SFMBT2: variants seen among roughly 807,000 people sequenced by gnomAD.
The protein encoded by SFMBT2 is Scm like with four mbt domains 2.
SFMBT2 carries 38 observed loss-of-function variants against 110.1 expected under a neutral mutation model. The ratio of observed to expected loss-of-function variants is 0.35; its 90% CI spans 0.27 to 0.45. SFMBT2 has a LOEUF of 0.45. Among genes scored for constraint, SFMBT2 ranks in the 20% least tolerant of loss-of-function variants. The probability of loss-of-function intolerance (pLI) is 1.00; values close to 1 mark genes in which losing one functional copy is unlikely to be tolerated. For missense variants in SFMBT2, 1,011 were observed against 1,094.9 expected, an observed-to-expected ratio of 0.92 and a Z score of 1.08; for synonymous variants, 425 against 425.4, an observed-to-expected ratio of 1.00 and a Z score of 0.01.
At position 7,167,074 on chromosome 10, in the gene SFMBT2, G is replaced by A. The variant is rs150218698; in HGVS notation, c.2545-3164C>T. On this transcript the variant is annotated intron_variant, in intron 20 of 20. Coordinates refer to ENST00000397167, the MANE Select transcript of SFMBT2 (RefSeq NM_001387889.1). ...GCTTAGCACAGGGCAAAATTAAATC[G>A]ATTTTGATAGAGCACTCGGGTGAGG... 1.6e-3 allele frequency among the ~76,000 whole-genome samples: 251 copies of A among 152,268 alleles called. 1 individual carries two copies. Among genetic ancestry groups the A allele is most frequent in the Non-Finnish European group, 1.0e-3 (68 of 68,036 alleles).
chr10:7,288,709 T>G (rs1188648633), intron 4 of SFMBT2, among the ~76,000 whole-genome samples: 1 of 152,174 alleles, frequency 6.6e-6, no homozygotes, highest in Non-Finnish European at 1.5e-5. Context: ...TCTTCGTCAT[T>G]AACTCTTGAC....
intron 4 of SFMBT2, chr10:7,295,238 A>C (rs1842372418): frequency 6.6e-6 from 1 of 152,230 alleles, no homozygotes; most frequent in Non-Finnish European, 1.5e-5. Context: ...ACAAAGCTGC[A>C]ACCCCCAGAA....
At chr10:7,249,281 C>A (rs576159501) in intron 7 of SFMBT2, 6 of 173,954 alleles carry the variant, frequency 3.4e-5, no homozygotes, top group Non-Finnish European at 5.7e-5. Context: ...AGGGGTCTGG[C>A]AGTTTTATAA....
intron 8 of SFMBT2, among the ~76,000 whole-genome samples, chr10:7,244,486 G>T (rs542791967): frequency 2.6e-5 from 4 of 152,270 alleles, no homozygotes; most frequent in African/African-American, 7.2e-5. Flanking sequence ...ATTTCCAAAT[G>T]CATAGAAAGT....
At chr10:7,290,405 G>C (rs748286258) in intron 4 of SFMBT2, among the ~76,000 whole-genome samples, 1 of 152,060 alleles carries the variant, frequency 6.6e-6, no homozygotes, top group African/African-American at 2.4e-5. Context: ...CTTTGGAGAA[G>C]TGCCCACATC....
At position 7,170,912 on chromosome 10, in the gene SFMBT2, G is replaced by A. The variant is rs369892171; in HGVS notation, c.2544+16C>T. 56 of 1,613,928 alleles carry A rather than the reference G, an allele frequency of 3.5e-5. No individual in the cohort carries two copies. The highest frequency in any genetic ancestry group is 6.7e-5 in the East Asian group (3 of 44,874). Reference sequence around the variant, plus strand: ...TCTCAGCACATCAAACAATCGACACGCGGCAACCACCGTACCTGCTCCTGA... The same window carrying A: ...TCTCAGCACATCAAACAATCGACACACGGCAACCACCGTACCTGCTCCTGA... On this transcript the variant is annotated intron_variant, in intron 20 of 20. Transcript: ENST00000397167. This position sits in a 1 kb window ranked among gnomAD's most constrained non-coding sequence, Gnocchi z 4.6.
intron 4 of SFMBT2, among the ~76,000 whole-genome samples, chr10:7,340,488 C>T (rs1483622089): frequency 6.6e-6 from 1 of 151,922 alleles, no homozygotes; most frequent in Non-Finnish European, 1.5e-5. Flanking sequence ...TAAGTCAGTC[C>T]TGCATGCACT....
In SFMBT2 at chr10:7,363,944, G is replaced by A. The variant is rs114905894; in HGVS notation, c.436+3705C>T. 6.3e-3 allele frequency among the ~76,000 whole-genome samples: 962 copies of A among 152,152 alleles called. 6 individuals carry two copies. Among genetic ancestry groups the A allele is most frequent in the African/African-American group, 0.022 (923 of 41,514 alleles). ...CTGTAACTCCTGTTCATATTCTGCG[G>A]TGCCTTTCAAGTTTAACCACAGCAA... On this transcript the variant is annotated intron_variant, in intron 4 of 20. Coordinates refer to ENST00000397167, the MANE Select transcript of SFMBT2 (RefSeq NM_001387889.1).
chr10:7,211,016 G>A (rs7897768), intron 11 of SFMBT2, among the ~76,000 whole-genome samples: 71,738 of 151,820 alleles, frequency 0.47, 17,651 homozygotes, highest in East Asian at 0.87. Flanking sequence ...ACAACCCTAA[G>A]AGATACGGGG....
intron 5 of SFMBT2, chr10:7,284,475 A>G (rs1842033158): frequency 8.6e-6 from 9 of 1,047,732 alleles, no homozygotes; most frequent in Non-Finnish European, 9.2e-6. Flanking sequence ...TGCTTTTAAG[A>G]AGAGTTCTAC....
intron 14 of SFMBT2, among the ~76,000 whole-genome samples, chr10:7,199,680 T>C (rs1416393473): frequency 6.6e-6 from 1 of 152,212 alleles, no homozygotes; most frequent in East Asian, 1.9e-4. Context: ...TGCCTTTCGA[T>C]TACCAGGCCT....
intron 16 of SFMBT2, among the ~76,000 whole-genome samples, chr10:7,186,424 A>ATACAC (rs1186051476): frequency 1.9e-5 from 1 of 52,918 alleles, no homozygotes; most frequent in Non-Finnish European, 3.5e-5. Flanking sequence ...CATACTATAT[A>ATACAC]TACACACACA....
At chr10:7,182,340 A>G (rs909301501) in intron 16 of SFMBT2, among the ~76,000 whole-genome samples, 1 of 152,214 alleles carries the variant, frequency 6.6e-6, no homozygotes, top group Non-Finnish European at 1.5e-5. Context: ...ACTCAGCCTC[A>G]TTCTACTCTT....
rs1358767416 is a variant in SFMBT2 at position 7,171,577 on chromosome 10, G to A, written c.2415+318C>T. 6.1e-6 allele frequency: 6 copies of A among 985,142 alleles called. No individual in the cohort carries two copies. Among genetic ancestry groups the A allele is most frequent in the Non-Finnish European group, 7.2e-6 (6 of 829,806 alleles). 61.0% of individuals were successfully genotyped at this position (985,142 alleles called of 1,614,324 possible). A position where few individuals can be genotyped will look rare whatever the true frequency, so the allele number is the denominator to read the frequency against. On this transcript the variant is annotated intron_variant, in intron 19 of 20. Coordinates refer to ENST00000397167, the MANE Select transcript of SFMBT2 (RefSeq NM_001387889.1). The surrounding 1 kb of genome is among the most constrained non-coding windows in gnomAD (Gnocchi z 4.9). ...GACACAGCGCAGTCAGGGGAGATGC[G>A]GGGAAGGAATTTCTGGAAACCCAGA... is the stretch of plus-strand genomic sequence containing the variant.
intron 16 of SFMBT2, among the ~76,000 whole-genome samples, chr10:7,183,879 C>T (rs1838318113): frequency 6.6e-6 from 1 of 152,220 alleles, no homozygotes; most frequent in African/African-American, 2.4e-5. Flanking sequence ...AAACGACTGA[C>T]CCACCCTCTG....
At chr10:7,164,398 AAAC>A (rs1168967852) in intron 20 of SFMBT2, 1 of 984,302 alleles carries the variant, frequency 1.0e-6, no homozygotes, top group African/African-American at 1.7e-5. Context: ...CAACAACAAA[AAAC>A]AACAATACAA....
At chr10:7,343,306 G>A (rs532279780) in intron 4 of SFMBT2, among the ~76,000 whole-genome samples, 1 of 152,084 alleles carries the variant, frequency 6.6e-6, no homozygotes, top group African/African-American at 2.4e-5. Context: ...TGGGCATTGA[G>A]GTTGATTCCA....
At chr10:7,164,439 C>A (rs1837639394) in intron 20 of SFMBT2, 1 of 985,098 alleles carries the variant, frequency 1.0e-6, no homozygotes, top group Non-Finnish European at 1.2e-6. Context: ...TAAGGGCACT[C>A]TGGCTACTCT....
intron 4 of SFMBT2, among the ~76,000 whole-genome samples, chr10:7,310,972 G>A (rs1467854379): frequency 6.6e-6 from 1 of 150,376 alleles, no homozygotes; most frequent in Non-Finnish European, 1.5e-5. Flanking sequence ...GCTTGAACCC[G>A]GGAGGCAGAG....
Sources: allele counts gnomAD v4.1 joint callset (sites outside exome capture counted in the v4.1 genomes callset), GRCh38; gene constraint gnomAD v4.1.1; non-coding constraint Gnocchi (gnomAD v3.1); transcripts MANE v1.5; gene names NCBI Gene and HGNC (gene_info 2026-07-23, HGNC 2026-07-21).